The following IL1RN variants were observed in gnomAD, a reference collection of about 807,000 sequenced individuals.
IL1RN encodes the protein interleukin-1 receptor antagonist protein.
A neutral mutation model predicts 13.7 loss-of-function variants in IL1RN; 10 were observed. The observed-to-expected ratio is 0.73, with a 90% confidence interval of 0.45 to 1.24. The LOEUF is 1.24. IL1RN is among the 50% of genes most tolerant of loss of function. The probability of loss-of-function intolerance (pLI) is 0.00; values close to 1 mark genes in which losing one functional copy is unlikely to be tolerated. For missense variants in IL1RN, 213 were observed against 222.1 expected (o/e 0.96, Z 0.26); for synonymous variants, 102 against 82.7 (o/e 1.23, Z -1.27).
At chr2:113,101,757 T>G in the IL1RN span, among the ~76,000 whole-genome samples, 1 of 152,180 alleles carries the variant, frequency 6.6e-6, no homozygotes, top group African/African-American at 2.4e-5. Context: ...AGAGAGACTT[T>G]TTTATTCTTT....
At chr2:113,113,350 A>T (rs567058768), upstream of IL1RN, among the ~76,000 whole-genome samples, 139 of 152,290 alleles carry the variant, frequency 9.1e-4, 1 homozygote, top group Middle Eastern at 0.01. Context: ...GAGCTCACTT[A>T]TATGTGGAAT....
chr2:113,121,598 G>A (rs1686784860), intron 2 of IL1RN: 4 of 985,486 alleles, frequency 4.1e-6, no homozygotes, highest in Non-Finnish European at 4.8e-6. Flanking sequence ...GGAAGGCTCT[G>A]AACCTCAGAA....
At position 113,129,623 on chromosome 2, in the gene IL1RN, T is replaced by A; in HGVS notation, c.164T>A (p.Leu55Gln). The change falls in exon 2 of 4, where the codon CTA becomes CAA. Residue 55 changes from leucine to glutamine, a missense_variant. Transcript: ENST00000409930. ...ACCTTCTATCTGAGGAACAACCAACTAGTTGCTGGATACTTGCAAGGACCA... is the reference window on the plus strand; with the variant it reads ...ACCTTCTATCTGAGGAACAACCAACAAGTTGCTGGATACTTGCAAGGACCA... ...QKTFYLRNNQ[L>Q]VAGYLQGPNV... is the part of the protein sequence containing the mutation. 6.2e-7 allele frequency: 1 copy of A among 1,613,448 alleles called. No individual in the cohort carries two copies. Among genetic ancestry groups the A allele is most frequent in the Non-Finnish European group, 8.5e-7 (1 of 1,179,326 alleles).
upstream of IL1RN, among the ~76,000 whole-genome samples, chr2:113,116,266 C>G (rs550446764): frequency 1.3e-5 from 2 of 152,298 alleles, no homozygotes; most frequent in African/African-American, 4.8e-5. Flanking sequence ...CCAGGCTGCC[C>G]CAATGCCCAA....
At position 113,131,215 on chromosome 2, in the gene IL1RN, A is replaced by C. The variant is rs1477292690; in HGVS notation, c.318+58A>C. The C allele has an allele frequency of 5.5e-6, 6 of 1,090,362 alleles. No individual in the cohort carries two copies. The African/African-American group carries it at 9.3e-5, about 17-fold the overall frequency. 67.5% of individuals were successfully genotyped at this position (1,090,362 alleles called of 1,614,324 possible). The stretch of plus-strand genomic sequence containing the variant: ...AAAACCCAGTGGCTTGAAACAACCA[A>C]AATTTTTTCTTATGATTCTGTGGGT... On this transcript the variant is annotated intron_variant, in intron 3 of 3. Transcript: ENST00000409930.
chr2:113,121,523 A>G (rs1185505974), intron 2 of IL1RN: 4 of 985,340 alleles, frequency 4.1e-6, no homozygotes, highest in Non-Finnish European at 4.8e-6. Flanking sequence ...AGATAACTGC[A>G]TAAGTAATGA....
intron 1 of IL1RN, among the ~76,000 whole-genome samples, chr2:113,128,002 G>T (rs935971918): frequency 6.6e-6 from 1 of 152,238 alleles, no homozygotes; most frequent in Non-Finnish European, 1.5e-5. Flanking sequence ...ATAGATGCAT[G>T]CCAAGGAGTG....
intron 2 of IL1RN, among the ~76,000 whole-genome samples, chr2:113,120,349 T>A (rs1686728238): frequency 6.6e-6 from 1 of 151,660 alleles, no homozygotes; most frequent in Non-Finnish European, 1.5e-5. Flanking sequence ...TCTATGTATG[T>A]ATGTATGTAT....
intron 1 of IL1RN, chr2:113,118,122 G>T (rs1362066817): frequency 1.6e-5 from 25 of 1,601,258 alleles, no homozygotes; most frequent in Non-Finnish European, 2.0e-5. Context: ...GCTCTGGTGA[G>T]CAAGCGTCCA....
upstream of IL1RN, among the ~76,000 whole-genome samples, chr2:113,125,318 T>C (rs546182708): frequency 2.0e-5 from 3 of 152,376 alleles, no homozygotes; most frequent in East Asian, 5.8e-4. Context: ...CATCATCTCC[T>C]TCAGCTAGTC....
chr2:113,114,704 T>C (rs1686560642), upstream of IL1RN, among the ~76,000 whole-genome samples: 1 of 151,836 alleles, frequency 6.6e-6, no homozygotes, highest in Admixed American at 6.6e-5. Context: ...AGAATGAGAA[T>C]ATGAGTGGTG....
At chr2:113,105,064 A>G (rs543516495), upstream of IL1RN, among the ~76,000 whole-genome samples, 170 of 152,316 alleles carry the variant, frequency 1.1e-3, no homozygotes, top group Non-Finnish European at 2.0e-3. Context: ...CCAATAGAGG[A>G]ATGCACGGAG....
chr2:113,116,844 A>G (rs1030874793), upstream of IL1RN, among the ~76,000 whole-genome samples: 1 of 152,194 alleles, frequency 6.6e-6, no homozygotes, highest in Non-Finnish European at 1.5e-5. Context: ...ACTGCGTGTC[A>G]TTCATGCTTC....
At chr2:113,116,219 A>C (rs1397055823), upstream of IL1RN, among the ~76,000 whole-genome samples, 2 of 152,174 alleles carry the variant, frequency 1.3e-5, no homozygotes, top group Non-Finnish European at 2.9e-5. Context: ...GAAAAGTACA[A>C]CACCATGATG....
chr2:113,122,962 C>G (rs1181972182), upstream of IL1RN, among the ~76,000 whole-genome samples: 1 of 152,052 alleles, frequency 6.6e-6, no homozygotes, highest in Non-Finnish European at 1.5e-5. Flanking sequence ...CCTGTCTCTA[C>G]TAAAAATACA....
chr2:113,120,964 T>TTTG (rs2104439102), intron 2 of IL1RN, among the ~76,000 whole-genome samples: 1 of 151,598 alleles, frequency 6.6e-6, no homozygotes, highest in African/African-American at 2.4e-5. Context: ...GAGTAGTTTC[T>TTTG]TCTTCTTCTT....
upstream of IL1RN, among the ~76,000 whole-genome samples, chr2:113,126,158 A>AT (rs917896620): frequency 1.0e-3 from 154 of 151,922 alleles, no homozygotes; most frequent in African/African-American, 3.2e-3. Context: ...CCAAGGAGAC[A>AT]TTTTTTTTGT....
chr2:113,119,977 T>C, intron 1 of IL1RN: 1 of 1,015,280 alleles, frequency 9.8e-7, no homozygotes, highest in Non-Finnish European at 1.5e-6. Context: ...ACCATGTGCA[T>C]ACACTTTGTG....
upstream of IL1RN, among the ~76,000 whole-genome samples, chr2:113,117,104 A>G (rs1357626250): frequency 6.6e-6 from 1 of 152,218 alleles, no homozygotes; most frequent in Non-Finnish European, 1.5e-5. Flanking sequence ...TGAAGCTACA[A>G]GCAGGTTCGC....
Sources: allele counts gnomAD v4.1 joint callset (sites outside exome capture counted in the v4.1 genomes callset), GRCh38; gene constraint gnomAD v4.1.1; transcripts MANE v1.5; gene names NCBI Gene and HGNC (gene_info 2026-07-23, HGNC 2026-07-21).